HSPA4L: variants seen among roughly 807,000 people sequenced by gnomAD.
The protein encoded by HSPA4L is heat shock 70 kDa protein 4L.
HSPA4L carries 48 observed loss-of-function variants against 100.3 expected under a neutral mutation model. The ratio of observed to expected loss-of-function variants is 0.48; its 90% CI spans 0.38 to 0.61. The LOEUF (loss-of-function observed/expected upper bound fraction) is 0.61, where lower values mean the gene tolerates loss of function less well. HSPA4L is among the 20% of genes least tolerant of loss of function. The pLI, the probability that HSPA4L is intolerant of heterozygous loss-of-function variation, is 0.00. For missense variants in HSPA4L, 886 were observed against 988.6 expected (o/e 0.90, Z 1.39); for synonymous variants, 319 against 328.2 (o/e 0.97, Z 0.30).
At chr4:127,786,330 G>C (rs1732716708) in intron 1 of HSPA4L, among the ~76,000 whole-genome samples, 1 of 152,150 alleles carries the variant, frequency 6.6e-6, no homozygotes, top group Non-Finnish European at 1.5e-5. Flanking sequence ...ACGTAACTAG[G>C]TTAATGATGA....
intron 1 of HSPA4L, chr4:127,783,435 A>G: frequency 7.7e-7 from 1 of 1,306,728 alleles, no homozygotes; most frequent in Non-Finnish European, 9.9e-7. Flanking sequence ...GCTGTCCCGT[A>G]TAAACATGAC....
upstream of HSPA4L, chr4:127,781,869 A>C: frequency 3.0e-6 from 1 of 333,912 alleles, no homozygotes; most frequent in Non-Finnish European, 6.1e-6. Context: ...TTCTGAGGGC[A>C]GGGGGTGAGG....
At chr4:127,793,097 TTCA>T (rs1259943635) in intron 1 of HSPA4L, among the ~76,000 whole-genome samples, 1 of 152,166 alleles carries the variant, frequency 6.6e-6, no homozygotes. Context: ...GGAGGATTAT[TTCA>T]TCATCAGAGA....
rs139673474 is a variant in HSPA4L, at chr4:127,805,717, C to T, written c.1168C>T (p.Arg390Cys). Residue 390 changes from arginine (R) to cysteine (C), a missense_variant, in exon 10 of 19, where the codon CGT becomes TGT. Physicochemically the swap from Arg to Cys is radical, Grantham distance 180. Coordinates refer to ENST00000296464, the MANE Select transcript of HSPA4L (RefSeq NM_014278.4). The stretch of plus-strand genomic sequence containing the variant: ...GATTCTCTCACCAGCATTTAAAGTG[C>T]GTGAATTTTCCATAACAGACCTTGT... ...CAILSPAFKV[R>C]EFSITDLVPY... 6 of 1,612,150 alleles carry T rather than the reference C, an allele frequency of 3.7e-6. No homozygotes were observed. Among genetic ancestry groups the T allele is most frequent in the African/African-American group, 2.7e-5 (2 of 74,850 alleles).
At chr4:127,809,364 C>T in intron 11 of HSPA4L, 1 of 1,173,334 alleles carries the variant, frequency 8.5e-7, no homozygotes, top group Non-Finnish European at 1.3e-6. Flanking sequence ...TGCAGCCCAG[C>T]AGAAGGCAGC....
intron 12 of HSPA4L, chr4:127,813,029 G>C (rs1486979585): frequency 2.1e-6 from 2 of 931,310 alleles, no homozygotes; most frequent in African/African-American, 3.3e-5. Flanking sequence ...GTTTTGCCAT[G>C]GTAACACTTG....
At chr4:127,816,271 T>G (rs1733668057) in intron 12 of HSPA4L, among the ~76,000 whole-genome samples, 1 of 152,198 alleles carries the variant, frequency 6.6e-6, no homozygotes, top group Admixed American at 6.5e-5. Context: ...CTAGAGGCAC[T>G]TCCATTAATT....
At chr4:127,792,460 CTG>C (rs1476971334) in intron 1 of HSPA4L, among the ~76,000 whole-genome samples, 2 of 152,166 alleles carry the variant, frequency 1.3e-5, no homozygotes, top group African/African-American at 4.8e-5. Flanking sequence ...GTAGAACTTT[CTG>C]TGGTATATTT....
At chr4:127,784,917 G>A (rs1338910226) in intron 1 of HSPA4L, among the ~76,000 whole-genome samples, 1 of 152,186 alleles carries the variant, frequency 6.6e-6, no homozygotes, top group Non-Finnish European at 1.5e-5. Flanking sequence ...TTACATCAAG[G>A]TAATGTGACA....
At chr4:127,789,503 C>G (rs968391533) in intron 1 of HSPA4L, among the ~76,000 whole-genome samples, 4 of 152,042 alleles carry the variant, frequency 2.6e-5, no homozygotes, top group African/African-American at 9.7e-5. Context: ...AAAAAATTAG[C>G]CGGGCATGGT....
chr4:127,806,096 A>G (rs1014956869), intron 10 of HSPA4L, among the ~76,000 whole-genome samples: 2 of 152,008 alleles, frequency 1.3e-5, no homozygotes, highest in African/African-American at 2.4e-5. Context: ...AAACATTTTT[A>G]AAAGCTAGTT....
chr4:127,807,947 T>C (rs1316968568), intron 10 of HSPA4L, 49 bp from the exon 11 acceptor site: 10 of 1,565,646 alleles, frequency 6.4e-6, no homozygotes, highest in African/African-American at 1.4e-5. Flanking sequence ...AATAGGTTCA[T>C]AGGCAACTTT....
Position 127,837,838 on chromosome 4 carries a change from C to G in HSPA4L, c.*4964C>G, listed in dbSNP as rs1276472953. 1 of 151,844 alleles carries G rather than the reference C, an allele frequency of 6.6e-6. No homozygotes were observed. The highest frequency in any genetic ancestry group is 2.4e-5 in the African/African-American group (1 of 41,338). The allele number at this position is 151,844 out of a possible 1,614,324, so 9.4% of individuals were successfully genotyped here. ...TTTTTTTTTTGGAAACAGTCTCACT[C>G]TGTCACCCAGGCTGGAGGGCACAAT... On this transcript the variant is annotated 3_prime_UTR_variant, in exon 19 of 19. Transcript: ENST00000296464.
intron 10 of HSPA4L, among the ~76,000 whole-genome samples, chr4:127,807,338 G>A (rs1733388240): frequency 6.6e-6 from 1 of 151,978 alleles, no homozygotes; most frequent in South Asian, 2.1e-4. Context: ...ATGCTGCAAA[G>A]GACATTGTTG....
At chr4:127,815,223 G>C (rs1017622286) in intron 12 of HSPA4L, among the ~76,000 whole-genome samples, 2 of 151,624 alleles carry the variant, frequency 1.3e-5, no homozygotes, top group Non-Finnish European at 2.9e-5. Flanking sequence ...TGATTTTCCC[G>C]AAAAATCACA....
intron 1 of HSPA4L, among the ~76,000 whole-genome samples, chr4:127,785,125 G>A (rs532305033): frequency 4.6e-5 from 7 of 152,240 alleles, no homozygotes; most frequent in African/African-American, 1.4e-4. Flanking sequence ...TATAATTAAG[G>A]GACAAAAGAC....
At chr4:127,801,032 T>C (rs1733159717) in intron 4 of HSPA4L, 106 bp from the exon 5 acceptor site, 2 of 704,550 alleles carry the variant, frequency 2.8e-6, no homozygotes, top group South Asian at 5.1e-5. Flanking sequence ...AGTTAGAACA[T>C]CTTTATTTGC....
intron 6 of HSPA4L, among the ~76,000 whole-genome samples, chr4:127,802,618 T>C (rs990252912): frequency 6.6e-5 from 10 of 152,202 alleles, no homozygotes; most frequent in African/African-American, 1.9e-4. Flanking sequence ...AGAACGTTTT[T>C]TTCCTTCCTT....
chr4:127,818,944 C>T (rs1250457961), intron 13 of HSPA4L, among the ~76,000 whole-genome samples: 2 of 151,508 alleles, frequency 1.3e-5, no homozygotes, highest in Non-Finnish European at 2.9e-5. Flanking sequence ...GAATTCTTTA[C>T]CTTATTTCCT....
Sources: gnomAD v4.1 joint callset for allele counts (sites outside exome capture counted in the v4.1 genomes callset) on GRCh38, gnomAD v4.1.1 for gene constraint, MANE v1.5 for transcripts, NCBI Gene and HGNC (gene_info 2026-07-23, HGNC 2026-07-21) for gene names.